RAPH1: variants seen among roughly 807,000 people sequenced by gnomAD.
RAPH1 encodes Ras association (RalGDS/AF-6) and pleckstrin homology domains 1.
A neutral mutation model predicts 88.1 loss-of-function variants in RAPH1; 18 were observed. The observed-to-expected ratio is 0.20, with a 90% CI of 0.14 to 0.30. RAPH1 has a LOEUF of 0.30. Among genes scored for constraint, RAPH1 ranks in the 10% least tolerant of loss-of-function variants. The pLI is 1.00. For missense variants in RAPH1, 1,448 were observed against 1,543.2 expected (o/e 0.94, Z 1.03); for synonymous variants, 587 against 559.0 (o/e 1.05, Z -0.71).
chr2:203,456,893 T>C (rs910118285), intron 8 of RAPH1, among the ~76,000 whole-genome samples: 1 of 152,176 alleles, frequency 6.6e-6, no homozygotes, highest in African/African-American at 2.4e-5. Flanking sequence ...CAGCTAATTA[T>C]ATTCAAATTT....
At chr2:203,462,332 T>C (rs2469952) in intron 4 of RAPH1, among the ~76,000 whole-genome samples, 16,059 of 152,172 alleles carry the variant, frequency 0.11, 1,732 homozygotes, top group African/African-American at 0.27. Flanking sequence ...TAAGGGCAAG[T>C]CTTTGAATAT....
intron 6 of RAPH1, among the ~76,000 whole-genome samples, 186 bp downstream of exon 6, chr2:203,461,063 C>A (rs1015155422): frequency 5.3e-5 from 8 of 151,908 alleles, no homozygotes; most frequent in South Asian, 2.1e-4. Context: ...CTGCAGTGAC[C>A]CGAGATCGTG....
At chr2:203,466,663 C>T (rs2098528695) in intron 4 of RAPH1, among the ~76,000 whole-genome samples, 1 of 152,156 alleles carries the variant, frequency 6.6e-6, no homozygotes, top group Non-Finnish European at 1.5e-5. Flanking sequence ...CTATATTAAA[C>T]TTAAGTAAAA....
At chr2:203,492,142 G>A (rs1233863469) in intron 2 of RAPH1, among the ~76,000 whole-genome samples, 2 of 151,282 alleles carry the variant, frequency 1.3e-5, no homozygotes, top group Non-Finnish European at 2.9e-5. Context: ...GCTGAGGCAG[G>A]AGAATCGCTT....
At chr2:203,515,420 G>A (rs1212927497) in intron 1 of RAPH1, among the ~76,000 whole-genome samples, 1 of 152,136 alleles carries the variant, frequency 6.6e-6, no homozygotes, top group African/African-American at 2.4e-5. Flanking sequence ...TTAGTGCCCT[G>A]TTTTTCATCA....
chr2:203,447,918 A>G (rs2098511412), intron 12 of RAPH1, 41 bp downstream of exon 12: 2 of 1,609,936 alleles, frequency 1.2e-6, no homozygotes, highest in East Asian at 2.2e-5. Context: ...AGAGACCTTC[A>G]TATTAATCGC....
intron 13 of RAPH1, chr2:203,441,710 T>C (rs2247197): frequency 0.061 from 79,358 of 1,302,148 alleles, 8,337 homozygotes; most frequent in African/African-American, 0.47. Flanking sequence ...ACAGGATGCA[T>C]GACTTCTGAC....
chr2:203,449,142 A>T (rs1250022506), intron 10 of RAPH1, among the ~76,000 whole-genome samples: 2 of 152,278 alleles, frequency 1.3e-5, no homozygotes, highest in Non-Finnish European at 2.9e-5. Context: ...CAAGGTTAAC[A>T]GAGTCCATAG....
rs1186705145 is a variant in RAPH1, at chr2:203,490,992, C to T, written c.226+222G>A. ...CTGGGAGGCAGAGGTTGCAGTGAGC[C>T]GAGACTGTGCCACTGAACTCCAGCC... On this transcript the variant is annotated intron_variant, in intron 3 of 13. Coordinates refer to ENST00000319170, the MANE Select transcript of RAPH1 (RefSeq NM_213589.3). Among the ~76,000 whole-genome samples, 8 of 147,038 alleles carry T rather than the reference C, an allele frequency of 5.4e-5. No homozygotes were observed. The South Asian group carries it at 8.6e-4, about 16-fold the overall frequency.
rs763019667 is a variant in RAPH1, at chr2:203,441,428, A to G, written c.1777-15T>C. The G allele has an allele frequency of 5.9e-6, 9 of 1,519,430 alleles. No individual in the cohort carries two copies. The Admixed American group carries it at 8.8e-5, about 15-fold the overall frequency. 94.1% of individuals were successfully genotyped at this position (1,519,430 alleles called of 1,614,324 possible). A position where few individuals can be genotyped will look rare whatever the true frequency, so the allele number is the denominator to read the frequency against. On this transcript the variant is annotated splice_polypyrimidine_tract_variant and intron_variant, in intron 13 of 13. Coordinates refer to ENST00000319170, the MANE Select transcript of RAPH1 (RefSeq NM_213589.3). ...TCCATTCTGGCCTAAAAGGAGTATA[A>G]AAAGGGAGTGGGAGAGAGAAAAACA...
intron 9 of RAPH1, 73 bp downstream of exon 9, chr2:203,455,364 G>T: frequency 7.1e-7 from 1 of 1,399,776 alleles, no homozygotes; most frequent in Non-Finnish European, 9.8e-7. Flanking sequence ...GGTTCACCTT[G>T]TCAGCATACT....
chr2:203,535,165 C>T lies in RAPH1; in HGVS notation c.-55G>A, dbSNP rs1156454381. On this transcript the variant is annotated 5_prime_UTR_variant, in exon 1 of 14. Transcript: ENST00000319170. Reference sequence around the variant, plus strand: ...CCGGGCAAGGAAACCGCCGCTCGCGCTCCTCCAGCCGCTGCCTCCGCCTCC... The same window carrying T: ...CCGGGCAAGGAAACCGCCGCTCGCGTTCCTCCAGCCGCTGCCTCCGCCTCC... 2 of 152,358 alleles carry T rather than the reference C, an allele frequency of 1.3e-5. No individual in the cohort carries two copies. Among genetic ancestry groups the T allele is most frequent in the East Asian group, 1.9e-4 (1 of 5,186 alleles). 9.4% of individuals were successfully genotyped at this position (152,358 alleles called of 1,614,324 possible).
chr2:203,440,635 G>T lies in RAPH1; in HGVS notation c.2555C>A (p.Pro852His). 4 of 1,557,776 alleles carry T rather than the reference G, an allele frequency of 2.6e-6. No homozygotes were observed. The Admixed American group carries it at 7.2e-5, about 28-fold the overall frequency. The change falls in exon 14 of 14, where the codon CCC (proline) becomes CAC (histidine). Residue 852 changes from proline (P) to histidine (H), a missense_variant. Pro to His is a moderately conservative substitution (Grantham distance 77, BLOSUM62 -2). Coordinates refer to ENST00000319170, the MANE Select transcript of RAPH1 (RefSeq NM_213589.3). ...KQQSFCAKPP[P>H]SPLSPVPSVV... ...CGAGGGCACCGGTGACAGTGGAGAG[G>T]GAGGGGGTTTTGCACAGAAGCTCTG...
chr2:203,485,568 T>A (rs973545730), intron 4 of RAPH1, among the ~76,000 whole-genome samples: 1 of 152,138 alleles, frequency 6.6e-6, no homozygotes, highest in Non-Finnish European at 1.5e-5. Context: ...CCTGGAGATA[T>A]TCTATATTTA....
In RAPH1 at chr2:203,489,693, G is replaced by C. The variant is rs759470878; in HGVS notation, c.623C>G (p.Ser208Cys). The C allele has an allele frequency of 3.0e-5, 49 of 1,614,032 alleles. No individual in the cohort carries two copies. Among genetic ancestry groups the C allele is most frequent in the Non-Finnish European group, 3.8e-5 (45 of 1,180,036 alleles). ...GGCTGCGGAAGTGATGCTGGAATGG[G>C]AGGAATTACTAATAGAGTGTACTTC... ...DAEVHSISNS[S>C]HSSITSAASS... Residue 208 changes from serine (S) to cysteine (C), a missense_variant, in exon 4 of 14, where the codon TCC becomes TGC. Ser to Cys is a moderately radical substitution (Grantham distance 112, BLOSUM62 -1). Transcript: ENST00000319170.
chr2:203,498,164 T>C (rs1005921373), intron 1 of RAPH1, among the ~76,000 whole-genome samples: 7 of 152,232 alleles, frequency 4.6e-5, no homozygotes, highest in African/African-American at 1.7e-4. Flanking sequence ...ATCTCTTAAG[T>C]ACATTTAAAA....
chr2:203,475,430 A>G (rs1266063353), intron 4 of RAPH1, among the ~76,000 whole-genome samples: 1 of 151,908 alleles, frequency 6.6e-6, no homozygotes, highest in Non-Finnish European at 1.5e-5. Flanking sequence ...TAAAATATAT[A>G]GCATGATGAA....
At position 203,454,665 on chromosome 2, in the gene RAPH1, A is replaced by G. The variant is rs1283234633; in HGVS notation, c.1303-125T>C. On this transcript the variant is annotated intron_variant, in intron 9 of 13. Coordinates refer to ENST00000319170, the MANE Select transcript of RAPH1 (RefSeq NM_213589.3). ...CTAATACTAAATAGAAATTATTGCT[A>G]TTTACACGAGACAATGAGATGCTCC... is the stretch of plus-strand genomic sequence containing the variant. 23 of 633,538 alleles carry G rather than the reference A, an allele frequency of 3.6e-5. No individual in the cohort carries two copies. In the East Asian group the frequency reaches 5.8e-4, roughly 16 times the overall value. 39.2% of individuals were successfully genotyped at this position (633,538 alleles called of 1,614,324 possible).
rs556377045 is a variant in RAPH1 at position 203,531,112 on chromosome 2, T to C, written c.-1+3999A>G. 3.1e-4 allele frequency among the ~76,000 whole-genome samples: 47 copies of C among 152,174 alleles called. 1 individual carries two copies. The South Asian group carries it at 8.5e-3, about 28-fold the overall frequency. On this transcript the variant is annotated intron_variant, in intron 1 of 13. Coordinates refer to ENST00000319170, the MANE Select transcript of RAPH1 (RefSeq NM_213589.3). ...GGATCAAAGACCTAAACATAAGAGTTGAAACTATAAAACTCCTAAAAGAAA... is the reference window on the plus strand; with the variant it reads ...GGATCAAAGACCTAAACATAAGAGTCGAAACTATAAAACTCCTAAAAGAAA...
Sources: gnomAD v4.1 joint callset for allele counts (sites outside exome capture counted in the v4.1 genomes callset) on GRCh38, gnomAD v4.1.1 for gene constraint, MANE v1.5 for transcripts, NCBI Gene and HGNC (gene_info 2026-07-23, HGNC 2026-07-21) for gene names.